NRG1: variants seen among roughly 807,000 people sequenced by gnomAD.
NRG1 encodes pro-neuregulin-1, membrane-bound isoform.
A neutral mutation model predicts 63.8 loss-of-function variants in NRG1; 18 were observed. The ratio of observed to expected loss-of-function variants is 0.28; its 90% CI spans 0.19 to 0.42. The LOEUF is 0.42. Among genes scored for constraint, NRG1 ranks in the 10% least tolerant of loss-of-function variants. The probability of loss-of-function intolerance (pLI) is 1.00; values close to 1 mark genes in which losing one functional copy is unlikely to be tolerated. For synonymous variants in NRG1, 302 were observed against 301.3 expected, an observed-to-expected ratio of 1.00 and a Z score of -0.02; for missense variants, 762 against 814.7, an observed-to-expected ratio of 0.94 and a Z score of 0.79.
At chr8:32,473,225 A>G (rs1381473484) in intron 1 of NRG1, among the ~76,000 whole-genome samples, 1 of 152,202 alleles carries the variant, frequency 6.6e-6, no homozygotes. Flanking sequence ...GATAATTACT[A>G]TTCTTTTTAA....
chr8:31,779,530 G>A (rs968028465), intron 1 of NRG1, among the ~76,000 whole-genome samples: 3 of 152,092 alleles, frequency 2.0e-5, no homozygotes, highest in Admixed American at 6.5e-5. Flanking sequence ...TAGTTATTGA[G>A]CCAAAATTTC....
chr8:32,748,348 C>CAT (rs1471481090), intron 7 of NRG1, among the ~76,000 whole-genome samples: 95 of 100,470 alleles, frequency 9.5e-4, no homozygotes, highest in African/African-American at 2.7e-3. Context: ...CGCACACACA[C>CAT]ACACACACAC....
At chr8:32,367,564 G>GAACT (rs1471291670) in intron 1 of NRG1, among the ~76,000 whole-genome samples, 1 of 151,978 alleles carries the variant, frequency 6.6e-6, no homozygotes. Flanking sequence ...GATATACAAG[G>GAACT]AACTCAAACT....
At chr8:32,210,083 T>A (rs1844535509) in intron 1 of NRG1, among the ~76,000 whole-genome samples, 1 of 152,154 alleles carries the variant, frequency 6.6e-6, no homozygotes, top group African/African-American at 2.4e-5. Context: ...TTTGTAAGGA[T>A]TGGGGACTAA....
rs34893626 is a variant in NRG1 at position 31,834,330 on chromosome 8, C to CAT, written c.37+194899_37+194900insAT. On this transcript the variant is annotated intron_variant, in intron 1 of 10. Transcript: ENST00000519301. ...GCGCACACACACACACACACACACACGCACACCAATTTGTTTAAAATAAAA... is the reference window on the plus strand; with the variant it reads ...GCGCACACACACACACACACACACACATGCACACCAATTTGTTTAAAATAAAA... 8.2e-3 allele frequency among the ~76,000 whole-genome samples: 1,246 copies of CAT among 151,480 alleles called. 6 individuals are homozygous for CAT. Among genetic ancestry groups the CAT allele is most frequent in the African/African-American group, 0.018 (727 of 41,286 alleles).
At chr8:31,714,392 A>G (rs1812142259) in intron 1 of NRG1, among the ~76,000 whole-genome samples, 1 of 152,152 alleles carries the variant, frequency 6.6e-6, no homozygotes, top group South Asian at 2.1e-4. Flanking sequence ...TTTAGGCTAT[A>G]AAATTAGCCA....
chr8:32,044,127 A>G (rs376555156), intron 1 of NRG1, among the ~76,000 whole-genome samples: 1 of 151,968 alleles, frequency 6.6e-6, no homozygotes, highest in Non-Finnish European at 1.5e-5. Context: ...CCATGCAAAC[A>G]TTAAATAAAA....
At chr8:31,758,251 G>A (rs968042476) in intron 1 of NRG1, among the ~76,000 whole-genome samples, 14 of 151,884 alleles carry the variant, frequency 9.2e-5, no homozygotes, top group African/African-American at 1.2e-4. Context: ...GATGTTCCCC[G>A]CTCTGTGTCC....
At chr8:31,805,823 G>A (rs1822219005) in intron 1 of NRG1, among the ~76,000 whole-genome samples, 1 of 66,258 alleles carries the variant, frequency 1.5e-5, no homozygotes, top group Non-Finnish European at 2.8e-5. Context: ...GCGGGACTCC[G>A]TCTCAAAAAA....
chr8:32,233,564 T>TATATATATATATATATATATATATA (rs1554660618), intron 1 of NRG1, among the ~76,000 whole-genome samples: 2 of 27,166 alleles, frequency 7.4e-5, no homozygotes, highest in African/African-American at 3.8e-4. Flanking sequence ...TATATATATA[T>TATATATATATATATATATATATATA]TTTTTTTTTT....
chr8:32,067,224 T>C (rs1824989238), intron 1 of NRG1, among the ~76,000 whole-genome samples: 1 of 152,162 alleles, frequency 6.6e-6, no homozygotes, highest in Non-Finnish European at 1.5e-5. Flanking sequence ...TCCAACACTA[T>C]GTTGAATAGG....
chr8:31,776,959 C>G (rs1374537696), intron 1 of NRG1, among the ~76,000 whole-genome samples: 1 of 152,128 alleles, frequency 6.6e-6, no homozygotes, highest in Non-Finnish European at 1.5e-5. Context: ...GGGCTGTAAA[C>G]TAGTTCAACC....
chr8:32,299,572 C>T (rs1855348174), intron 1 of NRG1, among the ~76,000 whole-genome samples: 1 of 152,242 alleles, frequency 6.6e-6, no homozygotes, highest in South Asian at 2.1e-4. Flanking sequence ...CTGTGTTAGT[C>T]TGTTCTCATG....
At chr8:31,785,643 C>A (rs1820099390) in intron 1 of NRG1, among the ~76,000 whole-genome samples, 1 of 152,172 alleles carries the variant, frequency 6.6e-6, no homozygotes, top group Non-Finnish European at 1.5e-5. Context: ...CCCATCACTT[C>A]ATTTAACTTC....
intron 1 of NRG1, among the ~76,000 whole-genome samples, chr8:32,202,428 C>A (rs1843588284): frequency 6.6e-6 from 1 of 152,052 alleles, no homozygotes; most frequent in African/African-American, 2.4e-5. Context: ...GGCTCCAGCC[C>A]CACAGTGGTG....
chr8:32,551,937 G>A (rs1294849068), intron 1 of NRG1, among the ~76,000 whole-genome samples: 2 of 137,400 alleles, frequency 1.5e-5, no homozygotes, highest in African/African-American at 5.5e-5. Context: ...TTTTGACGGA[G>A]TCTCGCTCTG....
intron 1 of NRG1, among the ~76,000 whole-genome samples, chr8:32,085,573 C>A (rs746143222): frequency 1.2e-4 from 19 of 152,310 alleles, no homozygotes; most frequent in Middle Eastern, 3.4e-3. Context: ...AGTTTCCTAT[C>A]TTCCTGGATC....
At chr8:32,629,498 T>G (rs1387482096) in intron 5 of NRG1, among the ~76,000 whole-genome samples, 1 of 152,230 alleles carries the variant, frequency 6.6e-6, no homozygotes, top group Non-Finnish European at 1.5e-5. Context: ...ATTATCATTT[T>G]TTAAGTTGTA....
chr8:32,385,364 A>C (rs1379889548), intron 1 of NRG1, among the ~76,000 whole-genome samples: 1 of 152,122 alleles, frequency 6.6e-6, no homozygotes, highest in East Asian at 1.9e-4. Flanking sequence ...GAAGCTTGAG[A>C]GGCAAAACAA....
Sources: allele counts gnomAD v4.1 joint callset (sites outside exome capture counted in the v4.1 genomes callset), GRCh38; gene constraint gnomAD v4.1.1; transcripts MANE v1.5; gene names NCBI Gene and HGNC (gene_info 2026-07-23, HGNC 2026-07-21).